IFITM10: variants seen among roughly 807,000 people sequenced by gnomAD.
IFITM10 encodes the protein interferon-induced transmembrane protein 10.
A neutral mutation model predicts 19.0 loss-of-function variants in IFITM10; 17 were observed. The ratio of observed to expected loss-of-function variants is 0.90; its 90% CI spans 0.61 to 1.34. The LOEUF is 1.34. Ranked by LOEUF, IFITM10 falls within the 40% of genes most tolerant of loss-of-function variation. IFITM10 has a pLI of 0.00. For missense variants in IFITM10, 306 were observed against 319.8 expected (o/e 0.96, Z 0.33); for synonymous variants, 148 against 147.2 (o/e 1.01, Z -0.04).
chr11:1,740,562 A>T (rs1845554722), intron 2 of IFITM10, among the ~76,000 whole-genome samples: 1 of 152,136 alleles, frequency 6.6e-6, no homozygotes, highest in African/African-American at 2.4e-5. Context: ...GAGTTGTAGA[A>T]GGCTGCAAAA....
chr11:1,742,916 GGATA>G (rs1240587425), intron 2 of IFITM10, among the ~76,000 whole-genome samples: 2 of 151,916 alleles, frequency 1.3e-5, no homozygotes, highest in African/African-American at 2.4e-5. Context: ...GATGGAGGAT[GGATA>G]GATGGATGGA....
At chr11:1,743,741 C>A (rs1360223163) in intron 2 of IFITM10, among the ~76,000 whole-genome samples, 1 of 152,134 alleles carries the variant, frequency 6.6e-6, no homozygotes, top group African/African-American at 2.4e-5. Flanking sequence ...CCTCTCCCAC[C>A]CCCATCCCCA....
At position 1,742,200 on chromosome 11, in the gene IFITM10, T is replaced by C. The variant is rs563012097; in HGVS notation, c.537+5467A>G. ...ATGGTCAACGAGATGAGTGGTGGGG[T>C]GGGTGGACACATGCCTGAGAGGAAA... On this transcript the variant is annotated intron_variant, in intron 2 of 2. Transcript: ENST00000340134. Among the ~76,000 whole-genome samples the C allele has an allele frequency of 1.8e-4, 28 of 151,732 alleles. No individual in the cohort carries two copies. The South Asian group carries it at 5.7e-3, about 31-fold the overall frequency.
At chr11:1,745,600 G>A (rs552576568) in intron 2 of IFITM10, 17 of 152,382 alleles carry the variant, frequency 1.1e-4, no homozygotes, top group African/African-American at 4.1e-4. Flanking sequence ...TGCACAGTCA[G>A]GTACATACAT....
chr11:1,734,003 AG>A lies in IFITM10; in HGVS notation c.*1276del, dbSNP rs1851055848. 1 of 152,262 alleles carries A rather than the reference AG, an allele frequency of 6.6e-6. No homozygotes were observed. Among genetic ancestry groups the A allele is most frequent in the Non-Finnish European group, 1.5e-5 (1 of 68,118 alleles). The allele number at this position is 152,262 out of a possible 1,614,324, so 9.4% of individuals were successfully genotyped here. Reference sequence around the variant, plus strand: ...TTGCCTGCCTTCCCACGGAATAGCAAGTCCTTCCCACTGCGCACCTGAGCTG... The same window carrying A: ...TTGCCTGCCTTCCCACGGAATAGCAATCCTTCCCACTGCGCACCTGAGCTG... On this transcript the variant is annotated 3_prime_UTR_variant, in exon 3 of 3. Coordinates refer to ENST00000340134, the MANE Select transcript of IFITM10 (RefSeq NM_001170820.4).
At chr11:1,738,052 A>T (rs1851105213) in intron 2 of IFITM10, among the ~76,000 whole-genome samples, 1 of 152,036 alleles carries the variant, frequency 6.6e-6, no homozygotes, top group Non-Finnish European at 1.5e-5. Context: ...TGGGGGAGTG[A>T]TCTAATGATC....
chr11:1,736,485 T>C (rs992790671), intron 2 of IFITM10, among the ~76,000 whole-genome samples: 5 of 150,694 alleles, frequency 3.3e-5, no homozygotes, highest in African/African-American at 4.9e-5. Context: ...AAAAAGAAGA[T>C]AGAGGGAGTG....
In IFITM10 at chr11:1,733,679, T is replaced by G. The variant is rs1851051752; in HGVS notation, c.*1601A>C. On this transcript the variant is annotated 3_prime_UTR_variant, in exon 3 of 3. Coordinates refer to ENST00000340134, the MANE Select transcript of IFITM10 (RefSeq NM_001170820.4). The surrounding 1 kb of genome is among the most constrained non-coding windows in gnomAD (Gnocchi z 6.3). Reference sequence around the variant, plus strand: ...CTTAAAGTCAACATCTTCTTCTCCCTGGTTTCCTGCCCTTGGTACACAGCC... The same window carrying G: ...CTTAAAGTCAACATCTTCTTCTCCCGGGTTTCCTGCCCTTGGTACACAGCC... 6.6e-6 allele frequency: 1 copy of G among 152,246 alleles called. No individual in the cohort carries two copies. Among genetic ancestry groups the G allele is most frequent in the African/African-American group, 2.4e-5 (1 of 41,348 alleles). 9.4% of individuals were successfully genotyped at this position (152,246 alleles called of 1,614,324 possible).
Position 1,735,196 on chromosome 11 carries a change from C to T in IFITM10, c.*84G>A. 1 of 1,455,150 alleles carries T rather than the reference C, an allele frequency of 6.9e-7. No homozygotes were observed. 90.1% of individuals were successfully genotyped at this position (1,455,150 alleles called of 1,614,324 possible). On this transcript the variant is annotated 3_prime_UTR_variant, in exon 3 of 3. Coordinates refer to ENST00000340134, the MANE Select transcript of IFITM10 (RefSeq NM_001170820.4). Reference sequence around the variant, plus strand: ...GACAAGAAGCCCTGCCCTGCCCCAACCTCATGGGATCCTGCGTTTCAGGGA... The same window carrying T: ...GACAAGAAGCCCTGCCCTGCCCCAATCTCATGGGATCCTGCGTTTCAGGGA...
chr11:1,735,850 A>C (rs1292500806), intron 2 of IFITM10, among the ~76,000 whole-genome samples: 1 of 152,242 alleles, frequency 6.6e-6, no homozygotes, highest in Non-Finnish European at 1.5e-5. Context: ...ATGGGGCGAC[A>C]CAACTGTCTC....
At position 1,735,189 on chromosome 11, in the gene IFITM10, G is replaced by T. The variant is rs949521900; in HGVS notation, c.*91C>A. The stretch of plus-strand genomic sequence containing the variant: ...GCCCCAGGACAAGAAGCCCTGCCCT[G>T]CCCCAACCTCATGGGATCCTGCGTT... On this transcript the variant is annotated 3_prime_UTR_variant, in exon 3 of 3. Transcript: ENST00000340134. 2 of 1,423,282 alleles carry T rather than the reference G, an allele frequency of 1.4e-6. No individual in the cohort carries two copies. Among genetic ancestry groups the T allele is most frequent in the Admixed American group, 2.1e-5 (1 of 47,562 alleles). 88.2% of individuals were successfully genotyped at this position (1,423,282 alleles called of 1,614,324 possible).
chr11:1,738,594 T>C (rs1453705153), intron 2 of IFITM10, among the ~76,000 whole-genome samples: 2 of 152,036 alleles, frequency 1.3e-5, no homozygotes, highest in African/African-American at 4.8e-5. Flanking sequence ...TGTAAGAGCA[T>C]GTTCGGTGGG....
chr11:1,741,821 T>C (rs1845573226), intron 2 of IFITM10, among the ~76,000 whole-genome samples: 1 of 152,046 alleles, frequency 6.6e-6, no homozygotes, highest in Non-Finnish European at 1.5e-5. Context: ...CCTAAAGTGA[T>C]GGTAGGAGGT....
At chr11:1,749,055 C>T (rs1845687367) in intron 1 of IFITM10, 1 of 1,134,394 alleles carries the variant, frequency 8.8e-7, no homozygotes, top group Non-Finnish European at 1.1e-6. Context: ...CCCCCTGAGC[C>T]TCGGTGCGCG....
chr11:1,746,006 AC>A (rs1845641461), intron 2 of IFITM10: 1 of 150,634 alleles, frequency 6.6e-6, no homozygotes. Context: ...TCAGGTACAT[AC>A]AGACAGTACA....
At chr11:1,746,199 CCA>C (rs1845646778) in intron 2 of IFITM10, 1 of 190,944 alleles carries the variant, frequency 5.2e-6, no homozygotes, top group African/African-American at 2.4e-5. Flanking sequence ...GGTACACACA[CCA>C]CACATGCACA....
rs768076243 is a variant in IFITM10 at position 1,746,322 on chromosome 11, GC to G, written c.537+1344del. On this transcript the variant is annotated intron_variant, in intron 2 of 2. Coordinates refer to ENST00000340134, the MANE Select transcript of IFITM10 (RefSeq NM_001170820.4). ...TGTACACACATGCAAATACACTCCT[GC>G]CTACACACAGTCATACACATGCACA... is the stretch of plus-strand genomic sequence containing the variant. The G allele has an allele frequency of 2.0e-4, 76 of 375,672 alleles. 3 individuals carry two copies. Among genetic ancestry groups the G allele is most frequent in the East Asian group, 8.0e-4 (21 of 26,250 alleles). The allele number at this position is 375,672 out of a possible 1,614,324, so 23.3% of individuals were successfully genotyped here. A position where few individuals can be genotyped will look rare whatever the true frequency, so the allele number is the denominator to read the frequency against.
rs1280050758 is a variant in IFITM10, at chr11:1,733,002, G to A, written c.*2278C>T. ...CCAGGCATAACATGGAAGACACCTG[G>A]ACACTGGGGTTGGCCTTAGCTGCCC... is the stretch of plus-strand genomic sequence containing the variant. On this transcript the variant is annotated 3_prime_UTR_variant, in exon 3 of 3. Transcript: ENST00000340134. This position sits in a 1 kb window ranked among gnomAD's most constrained non-coding sequence, Gnocchi z 6.3. 1 of 152,284 alleles carries A rather than the reference G, an allele frequency of 6.6e-6. No individual in the cohort carries two copies. Among genetic ancestry groups the A allele is most frequent in the Non-Finnish European group, 1.5e-5 (1 of 68,124 alleles). The allele number at this position is 152,284 out of a possible 1,614,324, so 9.4% of individuals were successfully genotyped here.
chr11:1,740,431 C>A (rs1455801173), intron 2 of IFITM10, among the ~76,000 whole-genome samples: 1 of 151,796 alleles, frequency 6.6e-6, no homozygotes, highest in Non-Finnish European at 1.5e-5. Context: ...ACCTGACCAG[C>A]TCCTGGACAG....
Sources: allele counts gnomAD v4.1 joint callset (sites outside exome capture counted in the v4.1 genomes callset), GRCh38; gene constraint gnomAD v4.1.1; non-coding constraint Gnocchi (gnomAD v3.1); transcripts MANE v1.5; gene names NCBI Gene and HGNC (gene_info 2026-07-23, HGNC 2026-07-21).